RUNX3: variants seen among roughly 807,000 people sequenced by gnomAD.
RUNX3 encodes runt-related transcription factor 3.
Under a neutral mutation model 27.7 loss-of-function variants are expected in RUNX3, and 10 were observed. That is an observed-to-expected ratio of 0.36 (90% CI 0.22 to 0.61). The LOEUF (loss-of-function observed/expected upper bound fraction) is 0.61. Among genes scored for constraint, RUNX3 ranks in the 20% least tolerant of loss-of-function variants. The probability of loss-of-function intolerance (pLI) is 0.72; values close to 1 mark genes in which losing one functional copy is unlikely to be tolerated. For synonymous variants in RUNX3, 270 were observed against 269.2 expected (o/e 1.00, Z -0.03); for missense variants, 469 against 629.5 (o/e 0.75, Z 2.73).
At position 24,920,080 on chromosome 1, in the gene RUNX3, C is replaced by T. The variant is rs986170181; in HGVS notation, c.440-736G>A. On this transcript the variant is annotated intron_variant, in intron 2 of 4. Transcript: ENST00000308873. The stretch of plus-strand genomic sequence containing the variant: ...GTGTGCAGCTGGAGCTGAAAAAGGA[C>T]TGATTTGGGAGCTGCAGACATTTCT... 5.3e-5 allele frequency among the ~76,000 whole-genome samples: 8 copies of T among 152,100 alleles called. 1 individual carries two copies. The South Asian group carries it at 1.2e-3, about 24-fold the overall frequency.
intron 2 of RUNX3, among the ~76,000 whole-genome samples, chr1:24,958,985 G>A (rs1202745065): frequency 6.6e-6 from 1 of 152,206 alleles, no homozygotes; most frequent in Non-Finnish European, 1.5e-5. Flanking sequence ...TGAACCCAGA[G>A]CCCAGGCCTG....
intron 1 of RUNX3, chr1:24,929,241 C>T (rs1212637625): frequency 3.1e-5 from 17 of 549,508 alleles, no homozygotes; most frequent in Non-Finnish European, 5.2e-5. Context: ...TGCCCCTGTC[C>T]CGGGATCCTC....
At chr1:24,952,114 C>T (rs1229629732) in intron 2 of RUNX3, among the ~76,000 whole-genome samples, 1 of 152,236 alleles carries the variant, frequency 6.6e-6, no homozygotes, top group East Asian at 1.9e-4. Context: ...CTGTCAATTA[C>T]GAATTGATTC....
rs545495610 is a variant in RUNX3, at chr1:24,904,662, C to A, written c.704-1996G>T. 6.6e-6 allele frequency among the ~76,000 whole-genome samples: 1 copy of A among 152,180 alleles called. No homozygotes were observed. The highest frequency in any genetic ancestry group is 2.4e-5 in the African/African-American group (1 of 41,444). ...TCAAGACGAAGGAAACAAATGGGGA[C>A]CGCAGGATACAACGGCAGGACTGTG... On this transcript the variant is annotated intron_variant, in intron 4 of 4. Coordinates refer to ENST00000308873, the MANE Select transcript of RUNX3 (RefSeq NM_004350.3). The surrounding 1 kb of genome is among the most constrained non-coding windows in gnomAD (Gnocchi z 5.7).
intron 2 of RUNX3, among the ~76,000 whole-genome samples, chr1:24,921,515 C>T (rs577417848): frequency 1.4e-3 from 217 of 152,312 alleles, no homozygotes; most frequent in African/African-American, 4.6e-3. Context: ...CAGAACAGAC[C>T]TGGTCTCCCA....
intron 3 of RUNX3, among the ~76,000 whole-genome samples, chr1:24,907,672 C>G (rs189095160): frequency 4.3e-4 from 66 of 152,000 alleles, no homozygotes; most frequent in Middle Eastern, 3.4e-3. Context: ...ACGCGGTGAT[C>G]TAAACCTCTA....
Position 24,907,803 on chromosome 1 carries a change from C to T in RUNX3, c.545-386G>A, listed in dbSNP as rs1557836942. Among the ~76,000 whole-genome samples, 4 of 151,816 alleles carry T rather than the reference C, an allele frequency of 2.6e-5. No individual in the cohort carries two copies. In the South Asian group the frequency reaches 8.3e-4, roughly 32 times the overall value. ...CTCTACAACACACGGTGATCCAAAC[C>T]TCTACAACACACGGTGATCTAAACC... is the stretch of plus-strand genomic sequence containing the variant. On this transcript the variant is annotated intron_variant, in intron 3 of 4. Transcript: ENST00000308873.
At chr1:24,919,561 C>T (rs1357297057) in intron 2 of RUNX3, 6 of 474,180 alleles carry the variant, frequency 1.3e-5, no homozygotes, top group African/African-American at 2.1e-5. Context: ...TTTGTCAACC[C>T]CCCGCCCCAT....
At position 24,930,119 on chromosome 1, in the gene RUNX3, G is replaced by A. The variant is rs945641227; in HGVS notation, c.-251C>T. 1 of 979,224 alleles carries A rather than the reference G, an allele frequency of 1.0e-6. No homozygotes were observed. Among genetic ancestry groups the A allele is most frequent in the Non-Finnish European group, 1.2e-6 (1 of 827,614 alleles). 60.7% of individuals were successfully genotyped at this position (979,224 alleles called of 1,614,324 possible). A position where few individuals can be genotyped will look rare whatever the true frequency, so the allele number is the denominator to read the frequency against. ...TCCCGCATCCTCGGCGCGCGGCCCC[G>A]CGTGCGGCCGCCCCTCGTGGCTGTC... On this transcript the variant is annotated 5_prime_UTR_variant, in exon 1 of 5. Coordinates refer to ENST00000308873, the MANE Select transcript of RUNX3 (RefSeq NM_004350.3). The surrounding 1 kb of genome is among the most constrained non-coding windows in gnomAD (Gnocchi z 4.1).
intron 1 of RUNX3, chr1:24,964,782 G>A: frequency 7.9e-7 from 1 of 1,271,340 alleles, no homozygotes; most frequent in South Asian, 1.6e-5. Context: ...GCGAGAGTGT[G>A]TGTGAGTGAG....
chr1:24,946,008 T>C (rs548688179), intron 2 of RUNX3, among the ~76,000 whole-genome samples: 70 of 152,222 alleles, frequency 4.6e-4, no homozygotes, highest in Non-Finnish European at 8.8e-4. Flanking sequence ...GGCTTCAAAC[T>C]GAGTCTGGCT....
intron 2 of RUNX3, among the ~76,000 whole-genome samples, chr1:24,952,055 C>T (rs577136831): frequency 1.3e-5 from 2 of 152,166 alleles, no homozygotes; most frequent in African/African-American, 4.8e-5. Context: ...TAAATGTTTA[C>T]TGCTAATGGA....
chr1:24,906,584 A>G (rs1316044940), intron 4 of RUNX3, among the ~76,000 whole-genome samples: 1 of 152,034 alleles, frequency 6.6e-6, no homozygotes, highest in Non-Finnish European at 1.5e-5. Context: ...GATACTCCAG[A>G]AGACCTGCCT....
rs1247422861 is a variant in RUNX3, at chr1:24,901,650, G to C, written c.*472C>G. 1 of 161,032 alleles carries C rather than the reference G, an allele frequency of 6.2e-6. No homozygotes were observed. Among genetic ancestry groups the C allele is most frequent in the African/African-American group, 2.4e-5 (1 of 41,510 alleles). The allele number at this position is 161,032 out of a possible 1,614,324, so 10.0% of individuals were successfully genotyped here. A position where few individuals can be genotyped will look rare whatever the true frequency, so the allele number is the denominator to read the frequency against. The stretch of plus-strand genomic sequence containing the variant: ...TCTGACTCAAATCTGTGTAAATGCA[G>C]AGGGGGCTGGACCCAGGGGATGCAG... On this transcript the variant is annotated 3_prime_UTR_variant, in exon 5 of 5. Transcript: ENST00000308873.
intron 3 of RUNX3, among the ~76,000 whole-genome samples, chr1:24,912,612 T>C (rs1640817187): frequency 6.6e-6 from 1 of 151,978 alleles, no homozygotes; most frequent in African/African-American, 2.4e-5. Flanking sequence ...GGGTGCTTCC[T>C]CCACGGCAGC....
upstream of RUNX3, among the ~76,000 whole-genome samples, chr1:24,933,225 C>T (rs909196840): frequency 5.9e-5 from 9 of 152,194 alleles, no homozygotes; most frequent in Non-Finnish European, 8.8e-5. Flanking sequence ...AGTCCCTCTG[C>T]CTGAGCGTGT....
At chr1:24,938,412 T>A (rs1641397444) in intron 2 of RUNX3, among the ~76,000 whole-genome samples, 1 of 152,196 alleles carries the variant, frequency 6.6e-6, no homozygotes, top group African/African-American at 2.4e-5. Context: ...AAGGTGCTTA[T>A]TGACAAGTGG....
chr1:24,927,577 G>T lies in RUNX3; in HGVS notation c.436C>A (p.Arg146=), dbSNP rs1330670662. The T allele has an allele frequency of 6.2e-7, 1 of 1,613,928 alleles. No individual in the cohort carries two copies. Among genetic ancestry groups the T allele is most frequent in the South Asian group, 1.1e-5 (1 of 91,066 alleles). Residue 146 remains arginine, a synonymous_variant, in exon 2 of 5, where the codon CGA becomes AGA. Coordinates refer to ENST00000308873, the MANE Select transcript of RUNX3 (RefSeq NM_004350.3). The surrounding 1 kb of genome is among the most constrained non-coding windows in gnomAD (Gnocchi z 5.0). The part of the protein sequence containing the change: ...NDLRFVGRSG[R]GKSFTLTITV... The stretch of plus-strand genomic sequence containing the variant: ...GCGAGGCCTCCCTTCCACTTACCTC[G>T]CCCACTGCGGCCCACGAAGCGAAGG...
chr1:24,905,607 G>T (rs1304377467), intron 4 of RUNX3, among the ~76,000 whole-genome samples: 1 of 152,246 alleles, frequency 6.6e-6, no homozygotes, highest in Non-Finnish European at 1.5e-5. Flanking sequence ...TGCCTGCCGT[G>T]GGGCCAGGCA....
Sources: gnomAD v4.1 joint callset for allele counts (sites outside exome capture counted in the v4.1 genomes callset) on GRCh38, gnomAD v4.1.1 for gene constraint, Gnocchi (gnomAD v3.1) non-coding constraint, MANE v1.5 for transcripts, NCBI Gene and HGNC (gene_info 2026-07-23, HGNC 2026-07-21) for gene names.